The following SHPRH variants were observed in gnomAD, a reference collection of about 807,000 sequenced individuals.
The protein encoded by SHPRH is E3 ubiquitin-protein ligase SHPRH.
A neutral mutation model predicts 202.5 loss-of-function variants in SHPRH; 106 were observed. The observed-to-expected ratio is 0.52, with a 90% CI of 0.45 to 0.62. The LOEUF (loss-of-function observed/expected upper bound fraction) is 0.62. Ranked by LOEUF, SHPRH falls within the 20% of genes least tolerant of loss-of-function variation. The probability of loss-of-function intolerance (pLI) is 0.00; values close to 1 mark genes in which losing one functional copy is unlikely to be tolerated. For synonymous variants in SHPRH, 729 were observed against 686.0 expected, an observed-to-expected ratio of 1.06 and a Z score of -0.98; for missense variants, 1,710 against 2,020.0, an observed-to-expected ratio of 0.85 and a Z score of 2.94.
At chr6:145,932,967 C>CA in intron 14 of SHPRH, 90 bp downstream of exon 14, 2 of 1,397,870 alleles carry the variant, frequency 1.4e-6, no homozygotes, top group South Asian at 2.8e-5. Context: ...GGAAAAATCC[C>CA]CCCCCCAAAA....
At position 145,945,605 on chromosome 6, in the gene SHPRH, C is replaced by A; in HGVS notation, c.1354G>T (p.Glu452Ter). The A allele has an allele frequency of 6.2e-7, 1 of 1,612,040 alleles. No homozygotes were observed. The highest frequency in any genetic ancestry group is 8.5e-7 in the Non-Finnish European group (1 of 1,179,256). Residue 452 changes from glutamate to a stop codon, truncating the protein, a stop_gained, in exon 8 of 30, where the codon GAA becomes TAA. Transcript: ENST00000275233. LOFTEE classifies it high-confidence loss of function. ...TRVMILTAVK[E>*]MNGKKGVSIL... ...GACACTCCTTTTTTTCCATTCATTTCTTTCACAGCTGTCAGTATCATCACA... is the reference window on the plus strand; with the variant it reads ...GACACTCCTTTTTTTCCATTCATTTATTTCACAGCTGTCAGTATCATCACA...
In SHPRH at chr6:145,941,894, G is replaced by C. The variant is rs766792974; in HGVS notation, c.2239-20C>G. On this transcript the variant is annotated intron_variant, in intron 9 of 29. Transcript: ENST00000275233. ...ATATACCTAGGAAATAATCAATACA[G>C]GCAGTTATTGCAAAAAGGCTCACTA... The C allele has an allele frequency of 6.2e-7, 1 of 1,608,638 alleles. No homozygotes were observed. Among genetic ancestry groups the C allele is most frequent in the Middle Eastern group, 1.7e-4 (1 of 5,904 alleles).
chr6:145,858,141 T>C, the SHPRH span, among the ~76,000 whole-genome samples: 1 of 152,110 alleles, frequency 6.6e-6, no homozygotes. Context: ...GTATGGAGTT[T>C]GGAAAACAGT....
rs771264946 is a variant in SHPRH, at chr6:145,922,818, A to G, written c.3564T>C (p.Gly1188=). The G allele has an allele frequency of 2.5e-6, 4 of 1,609,916 alleles. No individual in the cohort carries two copies. In the African/African-American group the frequency reaches 4.0e-5, roughly 16 times the overall value. The change falls in exon 19 of 30, where the codon GGT becomes GGC. Residue 1188 remains glycine, a synonymous_variant. Transcript: ENST00000275233. ...TTTGTGTTGTAAGTAAGAACTGAAG[A>G]CCTCTGCAATCACGGAACCTGATTC... is the stretch of plus-strand genomic sequence containing the variant. ...SMSEKFRDCR[G]LQFLLTTQME...
chr6:145,905,455 T>C (rs1782878611), intron 25 of SHPRH: 1 of 152,024 alleles, frequency 6.6e-6, no homozygotes, highest in Non-Finnish European at 1.5e-5. Flanking sequence ...TCCCTCAGTA[T>C]CTGTGAGGGA....
chr6:145,936,990 T>C (rs1428631592), intron 11 of SHPRH, among the ~76,000 whole-genome samples: 1 of 148,922 alleles, frequency 6.7e-6, no homozygotes, highest in African/African-American at 2.5e-5. Flanking sequence ...TTTTTTTTTT[T>C]TTTTTTTTTT....
rs1467112172 is a variant in SHPRH, at chr6:145,959,481, G to A, written c.-32-4127C>T. ...ATAGAGCCTAGGTGTGTAGTAGGCT[G>A]GCGGTACCACCTAGGTTTGTGTAAG... On this transcript the variant is annotated intron_variant, in intron 1 of 29. Transcript: ENST00000275233. Among the ~76,000 whole-genome samples, 4 of 149,242 alleles carry A rather than the reference G, an allele frequency of 2.7e-5. No individual in the cohort carries two copies. The South Asian group carries it at 8.5e-4, about 32-fold the overall frequency.
intron 2 of SHPRH, among the ~76,000 whole-genome samples, chr6:145,867,780 T>C (rs1291703638): frequency 1.3e-5 from 2 of 151,128 alleles, no homozygotes; most frequent in African/African-American, 2.4e-5. Context: ...AACACTTTGA[T>C]TTTATCCCAG....
intron 11 of SHPRH, among the ~76,000 whole-genome samples, chr6:145,936,641 T>C (rs1212732435): frequency 3.3e-5 from 5 of 152,144 alleles, no homozygotes; most frequent in Non-Finnish European, 5.9e-5. Flanking sequence ...ATTTTCTTTA[T>C]ACTTTTATGT....
In SHPRH at chr6:145,950,434, T is replaced by C. The variant is rs143391617; in HGVS notation, c.812A>G (p.Gln271Arg). The C allele has an allele frequency of 1.5e-5, 25 of 1,613,250 alleles. No homozygotes were observed. The African/African-American group carries it at 2.5e-4, about 16-fold the overall frequency. The change falls in exon 4 of 30, where the codon CAA (glutamine) becomes CGA (arginine). Residue 271 changes from glutamine to arginine, a missense_variant. Physicochemically the swap from Gln to Arg is conservative, Grantham distance 43. This residue lies in a region of SHPRH where 459 missense variants were observed against 426.5 expected (regional missense o/e 1.08). Coordinates refer to ENST00000275233, the MANE Select transcript of SHPRH (RefSeq NM_001042683.3). ...EDDPESEPEG[Q>R]DIDELYHFVK... ...AAAGTGATACAGCTCGTCAATGTCT[T>C]GTCCCTCTGGCTCACTCTCCGGATC...
intron 2 of SHPRH, among the ~76,000 whole-genome samples, chr6:145,875,019 T>G (rs1583266510): frequency 1.3e-5 from 2 of 152,316 alleles, no homozygotes; most frequent in African/African-American, 4.8e-5. Flanking sequence ...GCTTCAAAAC[T>G]GAAACCTTTT....
chr6:145,947,214 G>A (rs1787482108), intron 6 of SHPRH, among the ~76,000 whole-genome samples: 1 of 152,030 alleles, frequency 6.6e-6, no homozygotes. Flanking sequence ...GGAGTCAACA[G>A]TACTTTTGTA....
intron 11 of SHPRH, among the ~76,000 whole-genome samples, chr6:145,937,306 G>A (rs1350146821): frequency 6.6e-6 from 1 of 152,052 alleles, no homozygotes; most frequent in Non-Finnish European, 1.5e-5. Flanking sequence ...GTATTCACTG[G>A]GGAAACCAGT....
intron 29 of SHPRH, 127 bp from the exon 30 acceptor site, chr6:145,886,914 C>G (rs1781069301): frequency 1.1e-6 from 1 of 878,748 alleles, no homozygotes; most frequent in Non-Finnish European, 1.6e-6. Context: ...AAGAAACTCC[C>G]AGAGGAAAGC....
chr6:145,936,978 CTTTTTTTTTT>C (rs1206387630), intron 11 of SHPRH, among the ~76,000 whole-genome samples: 1 of 125,662 alleles, frequency 8.0e-6, no homozygotes, highest in Non-Finnish European at 1.7e-5. Flanking sequence ...CATGCTTCAT[CTTTTTTTTTT>C]TTTTTTTTTT....
intron 25 of SHPRH, 187 bp downstream of exon 25, chr6:145,910,261 G>A: frequency 1.7e-6 from 1 of 592,328 alleles, no homozygotes; most frequent in East Asian, 2.8e-5. Flanking sequence ...TAAGTGTTCT[G>A]TGTTCCTCCT....
intron 23 of SHPRH, among the ~76,000 whole-genome samples, chr6:145,915,516 T>C (rs1034980188): frequency 2.6e-5 from 4 of 152,030 alleles, no homozygotes; most frequent in African/African-American, 7.2e-5. Flanking sequence ...GAAAATATCC[T>C]TATTTCACTT....
At chr6:145,911,520 T>C (rs1783491925) in intron 24 of SHPRH, among the ~76,000 whole-genome samples, 1 of 152,186 alleles carries the variant, frequency 6.6e-6, no homozygotes. Flanking sequence ...TTGCCCTCTT[T>C]GGCAACGAGA....
At chr6:145,870,408 C>T (rs1253040348) in intron 2 of SHPRH, among the ~76,000 whole-genome samples, 1 of 151,810 alleles carries the variant, frequency 6.6e-6, no homozygotes, top group Non-Finnish European at 1.5e-5. Context: ...ACTACAGGCA[C>T]CCACCACCAC....
Sources: gnomAD v4.1 joint callset for allele counts (sites outside exome capture counted in the v4.1 genomes callset) on GRCh38, gnomAD v4.1.1 for gene constraint, gnomAD v4.1.1 regional missense constraint, MANE v1.5 for transcripts, NCBI Gene and HGNC (gene_info 2026-07-23, HGNC 2026-07-21) for gene names.